ABCA9: variants seen among roughly 807,000 people sequenced by gnomAD.
ABCA9 encodes ATP binding cassette subfamily A member 9.
ABCA9 carries 183 observed loss-of-function variants against 205.3 expected under a neutral mutation model. The ratio of observed to expected loss-of-function variants is 0.89; its 90% CI spans 0.79 to 1.01. The LOEUF is 1.01. ABCA9 is among the 50% of genes least tolerant of loss of function. The probability of loss-of-function intolerance (pLI) is 0.00; values close to 1 mark genes in which losing one functional copy is unlikely to be tolerated. For synonymous variants in ABCA9, 651 were observed against 683.3 expected, an observed-to-expected ratio of 0.95 and a Z score of 0.74; for missense variants, 1,805 against 1,912.4, an observed-to-expected ratio of 0.94 and a Z score of 1.05.
chr17:69,050,860 A>G (rs1219127550), intron 2 of ABCA9, among the ~76,000 whole-genome samples, 171 bp downstream of exon 2: 1 of 151,790 alleles, frequency 6.6e-6, no homozygotes, highest in Admixed American at 6.6e-5. Flanking sequence ...ATTTGAAAAA[A>G]TAAATTTTAC....
At chr17:69,051,418 T>C (rs745598214) in intron 1 of ABCA9, 31 of 355,882 alleles carry the variant, frequency 8.7e-5, no homozygotes, top group Non-Finnish European at 1.2e-4. Flanking sequence ...TCCTCAACTG[T>C]GGGTGTTGTT....
chr17:68,998,470 T>G (rs1426865129), intron 25 of ABCA9, among the ~76,000 whole-genome samples: 1 of 152,220 alleles, frequency 6.6e-6, no homozygotes, highest in Non-Finnish European at 1.5e-5. Context: ...TCTTTTATGA[T>G]TGGTTTTCAT....
chr17:69,037,299 G>A (rs574330779), intron 6 of ABCA9, among the ~76,000 whole-genome samples: 5 of 152,158 alleles, frequency 3.3e-5, no homozygotes, highest in East Asian at 1.9e-4. Flanking sequence ...TTCTAAAATC[G>A]ACTACATAAT....
intron 6 of ABCA9, 77 bp downstream of exon 6, chr17:69,043,412 C>T (rs1449437239): frequency 9.6e-6 from 12 of 1,254,294 alleles, no homozygotes; most frequent in African/African-American, 1.5e-5. Flanking sequence ...GCTTGGGGAC[C>T]CCTGGTCTAA....
rs184237132 is a variant in ABCA9 at position 69,045,079 on chromosome 17, T to C, written c.469+93A>G. On this transcript the variant is annotated intron_variant, in intron 4 of 38. Coordinates refer to ENST00000340001, the MANE Select transcript of ABCA9 (RefSeq NM_080283.4). ...TAAAGCTCTATGTTGTGGTTGTATA[T>C]GTTTGTGTAGTTTCACCTCTGCTAT... 2,329 of 1,001,510 alleles carry C rather than the reference T, an allele frequency of 2.3e-3. 8 individuals carry two copies. The highest frequency in any genetic ancestry group is 3.0e-3 in the Non-Finnish European group (2,080 of 687,928). 62.0% of individuals were successfully genotyped at this position (1,001,510 alleles called of 1,614,324 possible).
intron 10 of ABCA9, among the ~76,000 whole-genome samples, chr17:69,029,827 A>G (rs1199732563): frequency 1.3e-5 from 2 of 152,218 alleles, no homozygotes; most frequent in Admixed American, 1.3e-4. Flanking sequence ...TAAACTTCCA[A>G]AGAAGATGAG....
Position 69,021,795 on chromosome 17 carries a change from G to T in ABCA9, c.2348C>A (p.Thr783Asn). 1 of 1,593,654 alleles carries T rather than the reference G, an allele frequency of 6.3e-7. No homozygotes were observed. Among genetic ancestry groups the T allele is most frequent in the Non-Finnish European group, 8.6e-7 (1 of 1,169,436 alleles). Reference sequence around the variant, plus strand: ...TAATTTCAGAAACACCTCATTCAAAGTTGTTATGGAAACACCATAATCCTC... The same window carrying T: ...TAATTTCAGAAACACCTCATTCAAATTTGTTATGGAAACACCATAATCCTC... The part of the protein sequence containing the change: ...GIEDYGVSIT[T>N]LNEVFLKLEG... Residue 783 changes from threonine (T) to asparagine (N), a missense_variant, in exon 18 of 39, where the codon ACT becomes AAT. Transcript: ENST00000340001.
chr17:69,039,864 AAACT>A (rs1251241367), intron 6 of ABCA9, among the ~76,000 whole-genome samples: 2 of 152,230 alleles, frequency 1.3e-5, no homozygotes, highest in Non-Finnish European at 2.9e-5. Context: ...TACAATAAAA[AAACT>A]AACAACCCAT....
rs563400995 is a variant in ABCA9, at chr17:69,036,518, C to T, written c.801-717G>A. Among the ~76,000 whole-genome samples, 29 of 152,138 alleles carry T rather than the reference C, an allele frequency of 1.9e-4. 1 individual carries two copies. In the South Asian group the frequency reaches 3.1e-3, roughly 16 times the overall value. ...CACCACCAGGCCTGCCTTTCAAGAG[C>T]TCCTAAAGGAAGCACTAAATGTAGA... On this transcript the variant is annotated intron_variant, in intron 6 of 38. Transcript: ENST00000340001.
At chr17:69,067,164 T>G in the ABCA9 span, among the ~76,000 whole-genome samples, 1 of 152,082 alleles carries the variant, frequency 6.6e-6, no homozygotes. Context: ...AATGCTAAAT[T>G]TTGTAATATT....
chr17:69,061,142 G>T (rs182159319), upstream of ABCA9: 5 of 985,320 alleles, frequency 5.1e-6, no homozygotes, highest in African/African-American at 8.7e-5. Flanking sequence ...TGTAGTTGCA[G>T]ATGGTTGGCT....
Position 68,985,088 on chromosome 17 carries a change from G to C in ABCA9, c.4249C>G (p.Pro1417Ala), listed in dbSNP as rs762707600. Residue 1417 changes from proline (P) to alanine (A), a missense_variant, in exon 33 of 39, where the codon CCC becomes GCC. Transcript: ENST00000340001. ...ATTCCCTCTGACAAGGTCTTCACGG[G>C]AGCCTTCAGCTGGTCCTGCAGCTTG... Reference protein sequence around the residue: ...ALKLQDQLKAPVKTLSEGIKR... With the variant: ...ALKLQDQLKAAVKTLSEGIKR... 4 of 1,614,082 alleles carry C rather than the reference G, an allele frequency of 2.5e-6. No homozygotes were observed. In the African/African-American group the frequency reaches 5.3e-5, roughly 22 times the overall value.
the ABCA9 span, among the ~76,000 whole-genome samples, chr17:69,076,750 T>C: frequency 2.6e-5 from 4 of 152,158 alleles, 1 homozygote; most frequent in African/African-American, 9.7e-5. Context: ...AGATTGCGTG[T>C]TTCCAGGAAT....
chr17:69,021,600 C>T, intron 18 of ABCA9, 142 bp downstream of exon 18: 16 of 549,408 alleles, frequency 2.9e-5, no homozygotes, highest in Non-Finnish European at 4.3e-5. Context: ...ATCATAGCAC[C>T]AACAAAAGTA....
chr17:69,043,658 T>G lies in ABCA9; in HGVS notation c.631A>C (p.Lys211Gln), dbSNP rs776279700. ...QLMSVTGVHM[K>Q]ILPFVAQGGV... The stretch of plus-strand genomic sequence containing the variant: ...CCTTGGGCAACAAAAGGTAATATCT[T>G]CATATGTACACCAGTAACTGACATC... The change falls in exon 6 of 39, where the codon AAG (lysine) becomes CAG (glutamine). Residue 211 changes from lysine (K) to glutamine (Q), a missense_variant. Lys to Gln is a moderately conservative substitution (Grantham distance 53, BLOSUM62 1). Transcript: ENST00000340001. The G allele has an allele frequency of 1.2e-6, 2 of 1,613,614 alleles. No homozygotes were observed. Among genetic ancestry groups the G allele is most frequent in the Non-Finnish European group, 1.7e-6 (2 of 1,179,848 alleles).
At chr17:68,994,648 CAGAAG>C (rs2069558477) in intron 26 of ABCA9, among the ~76,000 whole-genome samples, 1 of 152,154 alleles carries the variant, frequency 6.6e-6, no homozygotes, top group African/African-American at 2.4e-5. Flanking sequence ...TAGAATCAGT[CAGAAG>C]AGAATCATCT....
At chr17:69,062,490 A>C (rs1408046106), upstream of ABCA9, among the ~76,000 whole-genome samples, 1 of 151,912 alleles carries the variant, frequency 6.6e-6, no homozygotes, top group Non-Finnish European at 1.5e-5. Flanking sequence ...TTTCTAGATT[A>C]AACAATATTT....
In ABCA9 at chr17:69,035,349, C is replaced by A; in HGVS notation, c.1025G>T (p.Trp342Leu). 6.2e-7 allele frequency: 1 copy of A among 1,609,840 alleles called. No individual in the cohort carries two copies. Among genetic ancestry groups the A allele is most frequent in the Non-Finnish European group, 8.5e-7 (1 of 1,177,730 alleles). The stretch of plus-strand genomic sequence containing the variant: ...CAATGCTGGGAATCCCAGGATCCCC[C>A]AAAAGACAATAAGGAGAAACACAAC... ...GLVVFLLIVF[W>L]GILGFPALYT... Residue 342 changes from tryptophan to leucine, a missense_variant, in exon 8 of 39, where the codon TGG (tryptophan) becomes TTG (leucine). Coordinates refer to ENST00000340001, the MANE Select transcript of ABCA9 (RefSeq NM_080283.4).
chr17:69,077,233 A>T, the ABCA9 span, among the ~76,000 whole-genome samples: 1,569 of 152,120 alleles, frequency 0.01, 18 homozygotes, highest in African/African-American at 0.031. Context: ...ATTTCAAAAA[A>T]TTTTTTTTAA....
Sources: allele counts gnomAD v4.1 joint callset (sites outside exome capture counted in the v4.1 genomes callset), GRCh38; gene constraint gnomAD v4.1.1; transcripts MANE v1.5; gene names NCBI Gene and HGNC (gene_info 2026-07-23, HGNC 2026-07-21).